Variants in CDH18 observed in about 807,000 individuals in gnomAD.
The protein encoded by CDH18 is cadherin-18.
In CDH18, 31 loss-of-function variants were observed where a neutral mutation model predicts 67.9. That is an observed-to-expected ratio of 0.46 (90% CI 0.34 to 0.62). The LOEUF (loss-of-function observed/expected upper bound fraction) is 0.62. Among genes scored for constraint, CDH18 ranks in the 20% least tolerant of loss-of-function variants. The probability of loss-of-function intolerance (pLI) is 0.01; values close to 1 mark genes in which losing one functional copy is unlikely to be tolerated. For synonymous variants in CDH18, 362 were observed against 347.2 expected (o/e 1.04, Z -0.48); for missense variants, 890 against 975.5 (o/e 0.91, Z 1.17).
intron 1 of CDH18, among the ~76,000 whole-genome samples, chr5:20,528,674 G>T (rs553744431): frequency 6.6e-6 from 1 of 151,302 alleles, no homozygotes; most frequent in East Asian, 1.9e-4. Flanking sequence ...ACAAAATTAA[G>T]CCACAAATCT....
At chr5:20,307,966 A>T (rs1223024999) in intron 1 of CDH18, among the ~76,000 whole-genome samples, 1 of 151,628 alleles carries the variant, frequency 6.6e-6, no homozygotes, top group Non-Finnish European at 1.5e-5. Context: ...AAACAGGAAC[A>T]TTTGTTTTTA....
chr5:20,098,664 C>G (rs1028075053), intron 2 of CDH18, among the ~76,000 whole-genome samples: 6 of 151,776 alleles, frequency 4.0e-5, no homozygotes, highest in African/African-American at 1.5e-4. Flanking sequence ...TTTTATTATT[C>G]CAATCAGGAA....
chr5:20,471,603 C>G (rs956082836), intron 1 of CDH18, among the ~76,000 whole-genome samples: 1 of 151,762 alleles, frequency 6.6e-6, no homozygotes, highest in African/African-American at 2.4e-5. Context: ...AGTTCAAGAC[C>G]AGCCTGGCCA....
intron 3 of CDH18, among the ~76,000 whole-genome samples, chr5:19,755,312 A>G (rs1371693232): frequency 6.7e-6 from 1 of 149,588 alleles, no homozygotes; most frequent in African/African-American, 2.4e-5. Flanking sequence ...GAAAATCCAA[A>G]TAACCTCGGT....
At chr5:19,854,330 T>C (rs967899362) in intron 2 of CDH18, among the ~76,000 whole-genome samples, 2 of 152,120 alleles carry the variant, frequency 1.3e-5, no homozygotes, top group African/African-American at 4.8e-5. Flanking sequence ...AACAGGCCAA[T>C]CATTTTGAGG....
intron 2 of CDH18, among the ~76,000 whole-genome samples, chr5:20,095,763 A>G (rs1374383051): frequency 6.6e-6 from 1 of 151,980 alleles, no homozygotes; most frequent in Admixed American, 6.6e-5. Context: ...TAAGCTACAG[A>G]CTTAAAAAAA....
At chr5:19,708,891 T>C (rs1764311172) in intron 5 of CDH18, among the ~76,000 whole-genome samples, 1 of 152,142 alleles carries the variant, frequency 6.6e-6, no homozygotes, top group Non-Finnish European at 1.5e-5. Flanking sequence ...TGTGTGTGTC[T>C]TTAATTCCTC....
chr5:19,825,337 C>T (rs1780296217), intron 3 of CDH18, among the ~76,000 whole-genome samples: 2 of 152,066 alleles, frequency 1.3e-5, no homozygotes, highest in South Asian at 4.1e-4. Flanking sequence ...CAGTTAACCT[C>T]AAAAACACGC....
At chr5:20,380,080 G>T (rs1743793320) in intron 1 of CDH18, among the ~76,000 whole-genome samples, 1 of 152,118 alleles carries the variant, frequency 6.6e-6, no homozygotes, top group East Asian at 1.9e-4. Context: ...GGATATCTTT[G>T]CAAAATGAGG....
chr5:19,791,482 T>C (rs896707742), intron 3 of CDH18, among the ~76,000 whole-genome samples: 3 of 152,074 alleles, frequency 2.0e-5, no homozygotes, highest in African/African-American at 7.2e-5. Flanking sequence ...ATGTATTACA[T>C]ATATAATTGT....
chr5:19,828,397 T>C (rs1780648466), intron 3 of CDH18, among the ~76,000 whole-genome samples: 1 of 151,860 alleles, frequency 6.6e-6, no homozygotes, highest in Non-Finnish European at 1.5e-5. Context: ...TACAAAAATC[T>C]GTCAGATACA....
At chr5:19,525,474 T>C (rs1747617578) in intron 9 of CDH18, among the ~76,000 whole-genome samples, 2 of 152,244 alleles carry the variant, frequency 1.3e-5, no homozygotes, top group Admixed American at 6.5e-5. Context: ...TCTTACCTTA[T>C]TGAGCATGTG....
intron 3 of CDH18, among the ~76,000 whole-genome samples, chr5:19,799,735 A>G (rs1777253654): frequency 6.6e-6 from 1 of 152,128 alleles, no homozygotes; most frequent in Non-Finnish European, 1.5e-5. Flanking sequence ...TTAGTATGTT[A>G]GCTAAAATCG....
intron 3 of CDH18, among the ~76,000 whole-genome samples, chr5:19,814,660 C>A (rs755496386): frequency 2.0e-5 from 3 of 151,858 alleles, no homozygotes; most frequent in Non-Finnish European, 4.4e-5. Context: ...ACAAAGAAAA[C>A]TGATAGAAAC....
At chr5:20,187,860 A>C (rs1738223274) in intron 2 of CDH18, among the ~76,000 whole-genome samples, 1 of 151,828 alleles carries the variant, frequency 6.6e-6, no homozygotes, top group African/African-American at 2.4e-5. Context: ...TAATATTTAA[A>C]AGACTAATAT....
At chr5:19,911,065 A>C (rs1184522492) in intron 2 of CDH18, among the ~76,000 whole-genome samples, 6 of 152,024 alleles carry the variant, frequency 3.9e-5, no homozygotes, top group African/African-American at 7.2e-5. Context: ...AGCAATAGGA[A>C]ACTGAAAAAG....
chr5:20,282,158 A>G (rs2126703940), intron 1 of CDH18, among the ~76,000 whole-genome samples: 1 of 152,324 alleles, frequency 6.6e-6, no homozygotes. Context: ...GTCATCTGCA[A>G]ACAGAGACAA....
intron 6 of CDH18, among the ~76,000 whole-genome samples, chr5:19,601,447 A>G (rs1317978561): frequency 6.6e-6 from 1 of 152,184 alleles, no homozygotes; most frequent in African/African-American, 2.4e-5. Flanking sequence ...TGATAAGGAG[A>G]GTCAATAAGC....
At chr5:20,076,983 G>T (rs1215320142) in intron 2 of CDH18, among the ~76,000 whole-genome samples, 1 of 152,156 alleles carries the variant, frequency 6.6e-6, no homozygotes, top group Non-Finnish European at 1.5e-5. Context: ...TGGTTAGCAA[G>T]ATCTGCCAAA....
Sources: gnomAD v4.1 joint callset for allele counts (sites outside exome capture counted in the v4.1 genomes callset) on GRCh38, gnomAD v4.1.1 for gene constraint, MANE v1.5 for transcripts, NCBI Gene and HGNC (gene_info 2026-07-23, HGNC 2026-07-21) for gene names.